The following PPP1R12A variants were observed in gnomAD, a reference collection of about 807,000 sequenced individuals.
The protein encoded by PPP1R12A is protein phosphatase 1 regulatory subunit 12A, also known as myosin binding subunit.
A neutral mutation model predicts 139.6 loss-of-function variants in PPP1R12A; 19 were observed. The ratio of observed to expected loss-of-function variants is 0.14; its 90% CI spans 0.09 to 0.20. The LOEUF (loss-of-function observed/expected upper bound fraction) is 0.20, where lower values mean the gene tolerates loss of function less well. PPP1R12A is among the 10% of genes least tolerant of loss of function. PPP1R12A has a pLI of 1.00. For synonymous variants in PPP1R12A, 427 were observed against 420.6 expected (o/e 1.02, Z -0.19); for missense variants, 925 against 1,211.5 (o/e 0.76, Z 3.51).
rs566830452 is a variant in PPP1R12A, at chr12:79,858,079, C to T, written c.369-12659G>A. 1.3e-5 allele frequency among the ~76,000 whole-genome samples: 2 copies of T among 152,234 alleles called. 1 individual carries two copies. The highest frequency in any genetic ancestry group is 4.8e-5 in the African/African-American group (2 of 41,550). ...ACTTCTAATCAAAATACATGATATG[C>T]TTTGTACTAATAAAGTATTCTTGAC... On this transcript the variant is annotated intron_variant, in intron 2 of 24. Transcript: ENST00000450142.
chr12:79,828,372 G>T lies in PPP1R12A; in HGVS notation c.740C>A (p.Ala247Glu). 6.2e-7 allele frequency: 1 copy of T among 1,612,416 alleles called. No homozygotes were observed. ...HAAAHWGKEE[A>E]CRILVDNLCD... ...CAGATTGTCCACTAAAATTCGACAT[G>T]CTTCTTCTTTACCCCAATGAGCTGC... The change falls in exon 5 of 25, where the codon GCA (alanine) becomes GAA (glutamate). Residue 247 changes from alanine (A) to glutamate (E), a missense_variant. Coordinates refer to ENST00000450142, the MANE Select transcript of PPP1R12A (RefSeq NM_002480.3).
intron 23 of PPP1R12A, chr12:79,780,488 ATC>A (rs1348292802): frequency 6.6e-6 from 1 of 152,162 alleles, no homozygotes; most frequent in Non-Finnish European, 1.5e-5. Context: ...AATATCAGCT[ATC>A]TCTGCATGAC....
rs539931248 is a variant in PPP1R12A at position 79,884,542 on chromosome 12, G to T, written c.238-11604C>A. Among the ~76,000 whole-genome samples, 288 of 152,184 alleles carry T rather than the reference G, an allele frequency of 1.9e-3. 1 individual carries two copies. Among genetic ancestry groups the T allele is most frequent in the Admixed American group, 5.7e-3 (87 of 15,272 alleles). On this transcript the variant is annotated intron_variant, in intron 1 of 24. Transcript: ENST00000450142. ...TACATACAAGAAACTGGCAAAGCAT[G>T]CCCATAAAAATATTGTTGCTAGGAG...
At chr12:79,890,150 A>G (rs1304990732) in intron 1 of PPP1R12A, among the ~76,000 whole-genome samples, 1 of 152,202 alleles carries the variant, frequency 6.6e-6, no homozygotes, top group Non-Finnish European at 1.5e-5. Flanking sequence ...AATGCCCTAC[A>G]TTTTGAGGCT....
At chr12:79,898,961 T>C (rs1885378192) in intron 1 of PPP1R12A, among the ~76,000 whole-genome samples, 1 of 152,108 alleles carries the variant, frequency 6.6e-6, no homozygotes, top group African/African-American at 2.4e-5. Context: ...TGTGCAAACA[T>C]ATAGCAAAGT....
At chr12:79,793,233 C>T (rs570957777) in intron 19 of PPP1R12A, among the ~76,000 whole-genome samples, 66 of 152,196 alleles carry the variant, frequency 4.3e-4, no homozygotes, top group Non-Finnish European at 8.5e-4. Context: ...GGAAGGGGGT[C>T]GGGGGAACTT....
intron 1 of PPP1R12A, among the ~76,000 whole-genome samples, chr12:79,922,821 T>C (rs768991209): frequency 7.6e-4 from 115 of 152,140 alleles, no homozygotes; most frequent in Non-Finnish European, 1.3e-3. Context: ...CTGCACGTTC[T>C]GCACATGTAT....
chr12:79,833,655 T>C (rs907066815), intron 3 of PPP1R12A, among the ~76,000 whole-genome samples: 3 of 122,612 alleles, frequency 2.4e-5, no homozygotes, highest in African/African-American at 9.5e-5. Context: ...TGACACCCCG[T>C]CTCTACTAAA....
intron 1 of PPP1R12A, among the ~76,000 whole-genome samples, chr12:79,928,149 G>A (rs896064295): frequency 6.6e-6 from 1 of 152,154 alleles, no homozygotes; most frequent in South Asian, 2.1e-4. Context: ...ATAACAAATG[G>A]ATGATGAAAA....
Position 79,818,284 on chromosome 12 carries a change from C to T in PPP1R12A, c.1115-766G>A, listed in dbSNP as rs149373665. ...TTTGAGACAGGGTCTTGTTCTGTTGCCCAGGTTGGGGTACAGTGGCATGAT... is the reference window on the plus strand; with the variant it reads ...TTTGAGACAGGGTCTTGTTCTGTTGTCCAGGTTGGGGTACAGTGGCATGAT... On this transcript the variant is annotated intron_variant, in intron 8 of 24. Coordinates refer to ENST00000450142, the MANE Select transcript of PPP1R12A (RefSeq NM_002480.3). 5.0e-3 allele frequency among the ~76,000 whole-genome samples: 765 copies of T among 152,226 alleles called. 4 individuals carry two copies. The highest frequency in any genetic ancestry group is 0.017 in the African/African-American group (726 of 41,526).
At chr12:79,881,786 C>T (rs543128942) in intron 1 of PPP1R12A, among the ~76,000 whole-genome samples, 1 of 152,158 alleles carries the variant, frequency 6.6e-6, no homozygotes, top group Admixed American at 6.5e-5. Context: ...AAAGTTTCCA[C>T]GGACAGTTTG....
intron 1 of PPP1R12A, among the ~76,000 whole-genome samples, chr12:79,905,349 A>AC (rs1886017298): frequency 1.1e-4 from 5 of 47,474 alleles, no homozygotes; most frequent in East Asian, 5.8e-4. Flanking sequence ...GCCCCCCCCC[A>AC]CCCCTTTTTT....
chr12:79,790,205 A>T (rs573411983), intron 20 of PPP1R12A, among the ~76,000 whole-genome samples: 2 of 152,208 alleles, frequency 1.3e-5, no homozygotes, highest in Non-Finnish European at 2.9e-5. Context: ...GATGTTAATA[A>T]TGAGATAGTT....
At chr12:79,857,193 CAAT>C (rs1194437837) in intron 2 of PPP1R12A, among the ~76,000 whole-genome samples, 6 of 151,994 alleles carry the variant, frequency 3.9e-5, no homozygotes, top group Middle Eastern at 3.2e-3. Context: ...AAATGTCCAA[CAAT>C]GATAGACTGG....
chr12:79,798,418 G>T, intron 15 of PPP1R12A, 76 bp downstream of exon 15: 4 of 925,772 alleles, frequency 4.3e-6, no homozygotes, highest in Non-Finnish European at 6.3e-6. Context: ...AAGGTAACTT[G>T]TTTTATGTCA....
chr12:79,783,273 C>G (rs907807013), intron 22 of PPP1R12A, among the ~76,000 whole-genome samples: 8 of 131,064 alleles, frequency 6.1e-5, no homozygotes, highest in African/African-American at 2.4e-4. Context: ...GCCTGGGCAA[C>G]ACGGTGAAAC....
intron 24 of PPP1R12A, 141 bp from the exon 25 acceptor site, chr12:79,776,156 G>T: frequency 2.1e-6 from 1 of 484,800 alleles, no homozygotes; most frequent in Non-Finnish European, 3.5e-6. Flanking sequence ...TCTAAAACAT[G>T]TATCAGGAAG....
At chr12:79,821,271 A>C in intron 6 of PPP1R12A, 105 bp from the exon 7 acceptor site, 1 of 732,640 alleles carries the variant, frequency 1.4e-6, no homozygotes, top group South Asian at 2.0e-5. Context: ...ACATTAAATA[A>C]GACAAAACAA....
chr12:79,882,361 C>T (rs933960421), intron 1 of PPP1R12A, among the ~76,000 whole-genome samples: 1 of 152,142 alleles, frequency 6.6e-6, no homozygotes, highest in Non-Finnish European at 1.5e-5. Flanking sequence ...TTCCAACCCT[C>T]ATGGACTTTG....
Sources: gnomAD v4.1 joint callset for allele counts (sites outside exome capture counted in the v4.1 genomes callset) on GRCh38, gnomAD v4.1.1 for gene constraint, MANE v1.5 for transcripts, NCBI Gene and HGNC (gene_info 2026-07-23, HGNC 2026-07-21) for gene names.